Variants in NPSR1 observed in about 807,000 individuals in gnomAD.
NPSR1 encodes the protein neuropeptide S receptor.
Under a neutral mutation model 46.9 loss-of-function variants are expected in NPSR1, and 48 were observed. The ratio of observed to expected loss-of-function variants is 1.02; its 90% confidence interval spans 0.81 to 1.30. NPSR1 has a LOEUF of 1.30. NPSR1 is among the 50% of genes most tolerant of loss of function. The pLI, the probability that NPSR1 is intolerant of heterozygous loss-of-function variation, is 0.00. For missense variants in NPSR1, 450 were observed against 449.5 expected, an observed-to-expected ratio of 1.00 and a Z score of -0.01; for synonymous variants, 176 against 168.1, an observed-to-expected ratio of 1.05 and a Z score of -0.36.
chr7:34,810,782 G>A (rs1197601497), intron 3 of NPSR1, among the ~76,000 whole-genome samples: 2 of 152,188 alleles, frequency 1.3e-5, no homozygotes, highest in African/African-American at 2.4e-5. Flanking sequence ...GAGGCCAAGG[G>A]AATAAGTGAG....
intron 1 of NPSR1, among the ~76,000 whole-genome samples, chr7:34,660,962 C>T (rs774526759): frequency 4.6e-5 from 7 of 152,132 alleles, no homozygotes; most frequent in Non-Finnish European, 7.4e-5. Flanking sequence ...TATGTGTTGG[C>T]TGAATGTGTT....
chr7:34,685,656 T>C, intron 2 of NPSR1: 1 of 411,306 alleles, frequency 2.4e-6, no homozygotes, highest in Admixed American at 3.0e-5. Context: ...TCTTGAGCCA[T>C]AATATTTCAA....
At chr7:34,669,704 T>C (rs1791945500) in intron 1 of NPSR1, among the ~76,000 whole-genome samples, 1 of 152,160 alleles carries the variant, frequency 6.6e-6, no homozygotes, top group Non-Finnish European at 1.5e-5. Flanking sequence ...AAACACTCTG[T>C]TATGTGTTTT....
At chr7:34,706,504 C>A (rs1794117411) in intron 2 of NPSR1, among the ~76,000 whole-genome samples, 2 of 152,090 alleles carry the variant, frequency 1.3e-5, no homozygotes, top group South Asian at 4.1e-4. Flanking sequence ...AGTGCTAATT[C>A]TACTTTTTAT....
Position 34,869,380 on chromosome 7 carries a change from T to A in NPSR1, c.1026-8696T>A, listed in dbSNP as rs138601501. On this transcript the variant is annotated intron_variant, in intron 8 of 8. Transcript: ENST00000359791. ...AAAATGCAAATTTGATGACATCAGA[T>A]CCTATTTAAAATCTCTGCCTTTTCT... 7.6e-3 allele frequency among the ~76,000 whole-genome samples: 1,156 copies of A among 151,868 alleles called. 15 individuals are homozygous for A. The highest frequency in any genetic ancestry group is 7.1e-3 in the Non-Finnish European group (484 of 68,012).
chr7:34,678,825 C>CA (rs61537015), intron 1 of NPSR1, among the ~76,000 whole-genome samples: 130 of 139,892 alleles, frequency 9.3e-4, no homozygotes, highest in Middle Eastern at 3.9e-3. Context: ...GACTCTGTCT[C>CA]AAAAAAAAGA....
chr7:34,663,677 G>T (rs1791586408), intron 1 of NPSR1, among the ~76,000 whole-genome samples: 1 of 152,158 alleles, frequency 6.6e-6, no homozygotes, highest in Non-Finnish European at 1.5e-5. Flanking sequence ...TGACACCACT[G>T]CTGCGCCATC....
At chr7:34,731,208 C>T (rs1784401612) in intron 2 of NPSR1, among the ~76,000 whole-genome samples, 1 of 151,810 alleles carries the variant, frequency 6.6e-6, no homozygotes, top group African/African-American at 2.4e-5. Flanking sequence ...AGTTAATATA[C>T]TCACTAAAAA....
chr7:34,701,468 TC>T (rs1562662262), intron 2 of NPSR1, among the ~76,000 whole-genome samples: 1 of 152,152 alleles, frequency 6.6e-6, no homozygotes, highest in East Asian at 1.9e-4. Context: ...CCCCTCCCCA[TC>T]CCCTGTTAAC....
intron 8 of NPSR1, among the ~76,000 whole-genome samples, chr7:34,872,955 A>T (rs1224179771): frequency 1.3e-5 from 2 of 150,368 alleles, no homozygotes; most frequent in African/African-American, 5.0e-5. Context: ...TTGCTTGCAC[A>T]TATAAACACT....
At chr7:34,819,040 A>T (rs1300932720) in intron 4 of NPSR1, among the ~76,000 whole-genome samples, 3 of 152,210 alleles carry the variant, frequency 2.0e-5, no homozygotes, top group Non-Finnish European at 4.4e-5. Flanking sequence ...CACCAAAAGC[A>T]ATGGCAACAA....
At chr7:34,659,700 C>T (rs974666480) in intron 1 of NPSR1, among the ~76,000 whole-genome samples, 2 of 152,220 alleles carry the variant, frequency 1.3e-5, no homozygotes, top group African/African-American at 4.8e-5. Context: ...CCTCCTAATG[C>T]ATATGCACAT....
At chr7:34,810,965 T>C (rs1481609938) in intron 3 of NPSR1, among the ~76,000 whole-genome samples, 1 of 152,006 alleles carries the variant, frequency 6.6e-6, no homozygotes, top group Non-Finnish European at 1.5e-5. Context: ...AAGCTCAAAC[T>C]CCTTATAGGA....
At chr7:34,870,736 G>T (rs978946486) in intron 8 of NPSR1, among the ~76,000 whole-genome samples, 4 of 151,810 alleles carry the variant, frequency 2.6e-5, no homozygotes, top group African/African-American at 9.7e-5. Context: ...AAGCCCCCTG[G>T]GAATTTATGA....
At chr7:34,673,903 T>C (rs991168545) in intron 1 of NPSR1, among the ~76,000 whole-genome samples, 7 of 152,202 alleles carry the variant, frequency 4.6e-5, no homozygotes, top group Non-Finnish European at 7.3e-5. Flanking sequence ...CCATAGTTCA[T>C]GGTAAAGCAG....
chr7:34,784,537 C>T (rs2128739877), intron 3 of NPSR1, among the ~76,000 whole-genome samples: 1 of 152,256 alleles, frequency 6.6e-6, no homozygotes, highest in African/African-American at 2.4e-5. Context: ...ATGAAGCCCA[C>T]TTGATCATGG....
At chr7:34,663,041 T>TTCTCTCTCTC (rs376420280) in intron 1 of NPSR1, among the ~76,000 whole-genome samples, 9,834 of 107,622 alleles carry the variant, frequency 0.091, 732 homozygotes, top group African/African-American at 0.15. Context: ...TGTAGTGCAT[T>TTCTCTCTCTC]TCTCTCTCTC....
intron 8 of NPSR1, among the ~76,000 whole-genome samples, chr7:34,865,989 T>A (rs1248693806): frequency 1.3e-5 from 2 of 151,762 alleles, no homozygotes; most frequent in African/African-American, 4.9e-5. Context: ...CCACCTTCCT[T>A]CCCTGCCTTT....
chr7:34,812,432 C>A (rs922043317), intron 4 of NPSR1, among the ~76,000 whole-genome samples: 3 of 152,108 alleles, frequency 2.0e-5, no homozygotes, highest in Admixed American at 1.3e-4. Context: ...GCCCACAAAA[C>A]CCCTAGGAGA....
Sources: gnomAD v4.1 joint callset for allele counts (sites outside exome capture counted in the v4.1 genomes callset) on GRCh38, gnomAD v4.1.1 for gene constraint, MANE v1.5 for transcripts, NCBI Gene and HGNC (gene_info 2026-07-23, HGNC 2026-07-21) for gene names.